Variants in GLIS3 observed in about 807,000 individuals in gnomAD.
The protein encoded by GLIS3 is GLIS family zinc finger 3, also known as zinc finger protein GLIS3.
Under a neutral mutation model 78.6 loss-of-function variants are expected in GLIS3, and 53 were observed. The ratio of observed to expected loss-of-function variants is 0.67; its 90% CI spans 0.54 to 0.85. The LOEUF (loss-of-function observed/expected upper bound fraction) is 0.85, where lower values mean the gene tolerates loss of function less well. Ranked by LOEUF, GLIS3 falls within the 40% of genes least tolerant of loss-of-function variation. GLIS3 has a pLI of 0.00. For missense variants in GLIS3, 1,703 were observed against 1,231.1 expected (o/e 1.38, Z -5.74); for synonymous variants, 684 against 509.9 (o/e 1.34, Z -4.60).
chr9:3,995,064 C>A (rs1248301750), intron 4 of GLIS3, among the ~76,000 whole-genome samples: 2 of 152,126 alleles, frequency 1.3e-5, no homozygotes, highest in African/African-American at 4.8e-5. Context: ...CAGACATCCA[C>A]ATTCACAAAG....
At chr9:4,183,731 A>G (rs558635607) in intron 2 of GLIS3, among the ~76,000 whole-genome samples, 2 of 152,316 alleles carry the variant, frequency 1.3e-5, no homozygotes, top group East Asian at 3.9e-4. Flanking sequence ...TTTCAACTAG[A>G]CTAGCTTTAC....
chr9:3,839,457 C>G (rs1017976052), intron 9 of GLIS3, among the ~76,000 whole-genome samples: 3 of 151,922 alleles, frequency 2.0e-5, no homozygotes, highest in Non-Finnish European at 4.4e-5. Flanking sequence ...AGAATTCTGT[C>G]ATAAGGAAGG....
chr9:4,154,426 A>G (rs1184231821), intron 2 of GLIS3, among the ~76,000 whole-genome samples: 1 of 152,246 alleles, frequency 6.6e-6, no homozygotes, highest in Non-Finnish European at 1.5e-5. Context: ...AAGAAAATGT[A>G]TTTGAATTTT....
At chr9:4,139,989 T>C (rs1165556324) in intron 2 of GLIS3, among the ~76,000 whole-genome samples, 2 of 152,108 alleles carry the variant, frequency 1.3e-5, no homozygotes, top group Admixed American at 1.3e-4. Flanking sequence ...TTTTTCAGTA[T>C]GTAAGAGCTG....
At chr9:3,922,584 G>T (rs1184128316) in intron 6 of GLIS3, among the ~76,000 whole-genome samples, 3 of 152,080 alleles carry the variant, frequency 2.0e-5, no homozygotes, top group African/African-American at 7.2e-5. Context: ...AGTGGTGAAG[G>T]GGAAATGCGG....
intron 2 of GLIS3, among the ~76,000 whole-genome samples, chr9:4,274,113 A>G (rs1826771118): frequency 6.6e-6 from 1 of 152,170 alleles, no homozygotes; most frequent in African/African-American, 2.4e-5. Flanking sequence ...CTGAGGCAGG[A>G]GGCCTGGTGG....
intron 4 of GLIS3, among the ~76,000 whole-genome samples, chr9:4,022,976 C>G (rs1823009850): frequency 6.6e-6 from 1 of 152,154 alleles, no homozygotes; most frequent in South Asian, 2.1e-4. Flanking sequence ...AATGCTCTCT[C>G]TGTTGTCTTG....
At chr9:4,472,065 T>A in the GLIS3 span, among the ~76,000 whole-genome samples, 4 of 152,198 alleles carry the variant, frequency 2.6e-5, no homozygotes, top group Non-Finnish European at 5.9e-5. Flanking sequence ...AGATACCATC[T>A]CACACCAGTT....
intron 2 of GLIS3, among the ~76,000 whole-genome samples, chr9:4,337,144 A>G (rs1280301297): frequency 6.6e-6 from 1 of 152,248 alleles, no homozygotes; most frequent in Non-Finnish European, 1.5e-5. Context: ...TTTTCCCGAA[A>G]GTAATTTGGC....
intron 8 of GLIS3, among the ~76,000 whole-genome samples, chr9:3,869,750 C>G (rs961141916): frequency 3.3e-5 from 5 of 152,168 alleles, no homozygotes; most frequent in African/African-American, 1.2e-4. Context: ...CTGCATTACT[C>G]AGTACATGGC....
At chr9:4,321,217 G>C (rs532146109) in intron 2 of GLIS3, among the ~76,000 whole-genome samples, 1 of 145,220 alleles carries the variant, frequency 6.9e-6, no homozygotes, top group Non-Finnish European at 1.5e-5. Flanking sequence ...TCAGGAGATC[G>C]AGACCATCCT....
chr9:4,039,926 C>T (rs1320575764), intron 4 of GLIS3, among the ~76,000 whole-genome samples: 1 of 152,192 alleles, frequency 6.6e-6, no homozygotes, highest in Non-Finnish European at 1.5e-5. Context: ...TGGGTCAATG[C>T]CAAGCCCAAG....
At chr9:3,965,146 A>G (rs1333240679) in intron 4 of GLIS3, among the ~76,000 whole-genome samples, 1 of 149,444 alleles carries the variant, frequency 6.7e-6, no homozygotes, top group Non-Finnish European at 1.5e-5. Flanking sequence ...GTCAAACAAT[A>G]GGAGTTTCCT....
intron 2 of GLIS3, among the ~76,000 whole-genome samples, chr9:4,281,723 A>G (rs1827572922): frequency 1.3e-5 from 2 of 152,228 alleles, no homozygotes; most frequent in Admixed American, 6.5e-5. Context: ...GGGTGTCAAA[A>G]GTACTTGCTG....
chr9:4,332,313 T>C (rs753049606), intron 2 of GLIS3, among the ~76,000 whole-genome samples: 7 of 152,174 alleles, frequency 4.6e-5, no homozygotes, highest in Non-Finnish European at 8.8e-5. Context: ...GCAGGGACTG[T>C]TAACTGGCCC....
chr9:4,397,667 AGGGAGGG>A, the GLIS3 span, among the ~76,000 whole-genome samples: 58 of 10,714 alleles, frequency 5.4e-3, no homozygotes, highest in Non-Finnish European at 7.8e-3. Context: ...GAAGGAAGGA[AGGGAGGG>A]AGGAAGGGAG....
At chr9:3,895,718 G>A (rs939879669) in intron 7 of GLIS3, among the ~76,000 whole-genome samples, 10 of 152,300 alleles carry the variant, frequency 6.6e-5, no homozygotes, top group Admixed American at 2.0e-4. Flanking sequence ...TCTTCATGCT[G>A]TGCAAAGTAT....
chr9:4,454,833 C>A, the GLIS3 span, among the ~76,000 whole-genome samples: 2 of 152,106 alleles, frequency 1.3e-5, no homozygotes, highest in African/African-American at 2.4e-5. Flanking sequence ...TTTACTGGCA[C>A]CCTGAAGTAG....
the GLIS3 span, among the ~76,000 whole-genome samples, chr9:4,422,300 G>A: frequency 3.7e-3 from 565 of 152,290 alleles, 2 homozygotes; most frequent in African/African-American, 0.012. Context: ...AGATAACAAA[G>A]CAAACCTTGG....
Sources: gnomAD v4.1 joint callset for allele counts (sites outside exome capture counted in the v4.1 genomes callset) on GRCh38, gnomAD v4.1.1 for gene constraint, MANE v1.5 for transcripts, NCBI Gene and HGNC (gene_info 2026-07-23, HGNC 2026-07-21) for gene names.